ZCCHC7: variants seen among roughly 807,000 people sequenced by gnomAD.
ZCCHC7 encodes the protein zinc finger CCHC-type containing 7.
In ZCCHC7, 35 loss-of-function variants were observed where a neutral mutation model predicts 52.0. The observed-to-expected ratio is 0.67, with a 90% confidence interval of 0.51 to 0.89. ZCCHC7 has a LOEUF of 0.89. ZCCHC7 is among the 40% of genes least tolerant of loss of function. The pLI is 0.00. For missense variants in ZCCHC7, 574 were observed against 649.1 expected (o/e 0.88, Z 1.26); for synonymous variants, 217 against 221.5 (o/e 0.98, Z 0.18).
At chr9:37,305,128 C>G (rs1383105132) in intron 4 of ZCCHC7, among the ~76,000 whole-genome samples, 1 of 152,176 alleles carries the variant, frequency 6.6e-6, no homozygotes, top group Non-Finnish European at 1.5e-5. Flanking sequence ...TTTCTCCTTC[C>G]TCTTCCAAAT....
intron 2 of ZCCHC7, among the ~76,000 whole-genome samples, chr9:37,249,036 T>C (rs1238785494): frequency 2.6e-5 from 4 of 152,240 alleles, no homozygotes; most frequent in Non-Finnish European, 4.4e-5. Flanking sequence ...TTCTTTGTTA[T>C]AGAACATTGT....
chr9:37,180,666 T>C (rs985905410), intron 2 of ZCCHC7, among the ~76,000 whole-genome samples: 2 of 152,180 alleles, frequency 1.3e-5, no homozygotes, highest in Non-Finnish European at 2.9e-5. Context: ...GCTTGTCTGT[T>C]ACTGAATTGA....
rs185935544 is a variant in ZCCHC7 at position 37,220,910 on chromosome 9, A to C, written c.611-81278A>C. On this transcript the variant is annotated intron_variant, in intron 2 of 8. Coordinates refer to ENST00000336755, the MANE Select transcript of ZCCHC7 (RefSeq NM_032226.3). ...GGGCAATTTTGTGAAGACCGAATGC[A>C]AGTTGGCTAAGTGGGATTTCTTTGT... 3.6e-3 allele frequency among the ~76,000 whole-genome samples: 555 copies of C among 152,322 alleles called. 1 individual carries two copies. The highest frequency in any genetic ancestry group is 6.8e-3 in the Middle Eastern group (2 of 294).
At chr9:37,151,461 AG>A (rs1300983736) in intron 2 of ZCCHC7, among the ~76,000 whole-genome samples, 1 of 152,164 alleles carries the variant, frequency 6.6e-6, no homozygotes, top group Non-Finnish European at 1.5e-5. Context: ...TTAGCTACTT[AG>A]GTTGTATGAA....
intron 2 of ZCCHC7, among the ~76,000 whole-genome samples, chr9:37,206,808 C>T (rs1347122108): frequency 1.3e-5 from 2 of 152,130 alleles, no homozygotes; most frequent in Non-Finnish European, 2.9e-5. Context: ...GAAACCTTCT[C>T]AATGTAAGAT....
chr9:37,319,141 A>T (rs1829951556), intron 5 of ZCCHC7, among the ~76,000 whole-genome samples: 2 of 149,210 alleles, frequency 1.3e-5, no homozygotes, highest in Admixed American at 1.4e-4. Flanking sequence ...AATAATGTTG[A>T]ATATCCTTTC....
chr9:37,318,704 G>C (rs182864490), intron 5 of ZCCHC7, among the ~76,000 whole-genome samples: 66 of 151,966 alleles, frequency 4.3e-4, no homozygotes, highest in Non-Finnish European at 6.9e-4. Flanking sequence ...CTTAAGGTCA[G>C]AAGTTCAAGA....
At chr9:37,207,669 G>A (rs1257132540) in intron 2 of ZCCHC7, among the ~76,000 whole-genome samples, 5 of 150,822 alleles carry the variant, frequency 3.3e-5, no homozygotes, top group Admixed American at 6.6e-5. Flanking sequence ...TCTGTTTGTC[G>A]GATCGGATAA....
At chr9:37,211,614 A>G (rs1824218675) in intron 2 of ZCCHC7, among the ~76,000 whole-genome samples, 1 of 152,136 alleles carries the variant, frequency 6.6e-6, no homozygotes, top group Admixed American at 6.5e-5. Flanking sequence ...TAGGATGTTA[A>G]TTATGTGATA....
intron 2 of ZCCHC7, among the ~76,000 whole-genome samples, chr9:37,191,471 C>T (rs1823018758): frequency 6.6e-6 from 1 of 151,884 alleles, no homozygotes; most frequent in South Asian, 2.1e-4. Flanking sequence ...AGATTCTTCA[C>T]CCCTACTCTC....
intron 2 of ZCCHC7, among the ~76,000 whole-genome samples, chr9:37,177,623 AAGAG>A (rs761132455): frequency 2.5e-4 from 38 of 152,178 alleles, no homozygotes; most frequent in African/African-American, 8.2e-4. Context: ...GGCTGAGACT[AAGAG>A]AGAACACAAT....
chr9:37,196,920 T>G (rs1361433537), intron 2 of ZCCHC7, among the ~76,000 whole-genome samples: 2 of 152,174 alleles, frequency 1.3e-5, no homozygotes, highest in Non-Finnish European at 2.9e-5. Flanking sequence ...GCTCTTGTAT[T>G]AATGACAACA....
At chr9:37,278,581 T>A (rs1156463763) in intron 2 of ZCCHC7, among the ~76,000 whole-genome samples, 1 of 151,946 alleles carries the variant, frequency 6.6e-6, no homozygotes, top group Non-Finnish European at 1.5e-5. Context: ...AAAAATATAT[T>A]TAAAGAGATA....
chr9:37,208,886 T>C (rs1487111219), intron 2 of ZCCHC7, among the ~76,000 whole-genome samples: 1 of 152,246 alleles, frequency 6.6e-6, no homozygotes, highest in Non-Finnish European at 1.5e-5. Context: ...AGGCTATATA[T>C]GATATGGTTC....
intron 2 of ZCCHC7, among the ~76,000 whole-genome samples, chr9:37,134,429 C>G: frequency 6.6e-6 from 1 of 152,274 alleles, no homozygotes; most frequent in South Asian, 2.1e-4. Flanking sequence ...GTTACATCAT[C>G]AGTTTGACAC....
chr9:37,244,276 A>G (rs1207807081), intron 2 of ZCCHC7, among the ~76,000 whole-genome samples: 1 of 151,468 alleles, frequency 6.6e-6, no homozygotes, highest in Non-Finnish European at 1.5e-5. Flanking sequence ...GAAAGAAGAA[A>G]AAGACTGCCC....
At position 37,223,574 on chromosome 9, in the gene ZCCHC7, G is replaced by A. The variant is rs571322921; in HGVS notation, c.611-78614G>A. On this transcript the variant is annotated intron_variant, in intron 2 of 8. Transcript: ENST00000336755. ...TGTTTTGAAAATAGTAACAATGGTT[G>A]CACAACATTGTGAGTATAATTAATG... 1.2e-3 allele frequency among the ~76,000 whole-genome samples: 177 copies of A among 152,202 alleles called. 1 individual carries two copies. The highest frequency in any genetic ancestry group is 3.9e-3 in the African/African-American group (163 of 41,556).
chr9:37,317,507 T>A (rs1163554460), intron 5 of ZCCHC7, among the ~76,000 whole-genome samples: 1 of 151,858 alleles, frequency 6.6e-6, no homozygotes, highest in Non-Finnish European at 1.5e-5. Flanking sequence ...AGGTCAGGAG[T>A]TCAAGACCAG....
intron 2 of ZCCHC7, among the ~76,000 whole-genome samples, chr9:37,239,371 G>A (rs999724133): frequency 1.3e-5 from 2 of 151,958 alleles, no homozygotes; most frequent in African/African-American, 2.4e-5. Context: ...ATTACAATGC[G>A]TTTGCTCTTT....
Sources: allele counts gnomAD v4.1 joint callset (sites outside exome capture counted in the v4.1 genomes callset), GRCh38; gene constraint gnomAD v4.1.1; transcripts MANE v1.5; gene names NCBI Gene and HGNC (gene_info 2026-07-23, HGNC 2026-07-21).